The following NRP1 variants were observed in gnomAD, a reference collection of about 807,000 sequenced individuals.
NRP1 encodes the protein neuropilin 1, also known as neuropilin-1.
NRP1 carries 35 observed loss-of-function variants against 106.7 expected under a neutral mutation model. The observed-to-expected ratio is 0.33, with a 90% CI of 0.25 to 0.43. The LOEUF (loss-of-function observed/expected upper bound fraction) is 0.43, where lower values mean the gene tolerates loss of function less well. Ranked by LOEUF, NRP1 falls within the 20% of genes least tolerant of loss-of-function variation. The pLI, the probability that NRP1 is intolerant of heterozygous loss-of-function variation, is 1.00. For missense variants in NRP1, 1,024 were observed against 1,170.4 expected (o/e 0.87, Z 1.83); for synonymous variants, 437 against 417.9 (o/e 1.05, Z -0.56).
At chr10:33,329,268 A>T (rs1314395876) in intron 2 of NRP1, among the ~76,000 whole-genome samples, 1 of 152,232 alleles carries the variant, frequency 6.6e-6, no homozygotes. Context: ...CAAAGCAAAG[A>T]TAAATTGGAA....
intron 4 of NRP1, among the ~76,000 whole-genome samples, chr10:33,261,556 T>C (rs1300738384): frequency 1.3e-5 from 2 of 152,214 alleles, no homozygotes; most frequent in South Asian, 2.1e-4. Flanking sequence ...CCTGTTTATA[T>C]GGTAAAAGAG....
intron 6 of NRP1, among the ~76,000 whole-genome samples, chr10:33,252,994 T>TA (rs1841966044): frequency 7.4e-6 from 1 of 135,770 alleles, no homozygotes; most frequent in Admixed American, 6.9e-5. Flanking sequence ...AATCATCTTG[T>TA]GGTTTTTTTT....
intron 2 of NRP1, among the ~76,000 whole-genome samples, chr10:33,306,559 C>T (rs1259306855): frequency 6.6e-6 from 1 of 152,186 alleles, no homozygotes; most frequent in African/African-American, 2.4e-5. Flanking sequence ...GGTCAGTTTA[C>T]AATTTCCTTG....
chr10:33,285,723 C>T (rs1844478442), intron 2 of NRP1, among the ~76,000 whole-genome samples: 1 of 152,084 alleles, frequency 6.6e-6, no homozygotes, highest in African/African-American at 2.4e-5. Flanking sequence ...AGCTACTCTA[C>T]TCTGGAGGCT....
chr10:33,303,193 A>G (rs538770471), intron 2 of NRP1, among the ~76,000 whole-genome samples: 192 of 152,252 alleles, frequency 1.3e-3, no homozygotes, highest in African/African-American at 4.4e-3. Flanking sequence ...TTCTTTCTAA[A>G]CTGGGTGAGT....
At chr10:33,274,203 A>G (rs1427838864) in intron 2 of NRP1, among the ~76,000 whole-genome samples, 3 of 152,156 alleles carry the variant, frequency 2.0e-5, no homozygotes, top group East Asian at 3.9e-4. Flanking sequence ...GTAATCCGCC[A>G]GGTGGTTGTT....
chr10:33,192,255 T>G (rs764531967), intron 13 of NRP1, 26 bp downstream of exon 13: 1 of 1,600,220 alleles, frequency 6.2e-7, no homozygotes. Context: ...TGCAAAGCCA[T>G]GCAGCCGAAG....
At position 33,282,441 on chromosome 10, in the gene NRP1, C is replaced by T. The variant is rs562360241; in HGVS notation, c.249-11585G>A. Among the ~76,000 whole-genome samples, 592 of 152,252 alleles carry T rather than the reference C, an allele frequency of 3.9e-3. 2 individuals are homozygous for T. The highest frequency in any genetic ancestry group is 6.8e-3 in the Middle Eastern group (2 of 294). On this transcript the variant is annotated intron_variant, in intron 2 of 16. Coordinates refer to ENST00000374867, the MANE Select transcript of NRP1 (RefSeq NM_003873.7). ...AATTTAAAGATATTTTTAAAATCCT[C>T]CTGATTAATTAGTAATTATTCAGTG...
chr10:33,315,768 G>A (rs1205481462), intron 2 of NRP1, among the ~76,000 whole-genome samples: 2 of 152,230 alleles, frequency 1.3e-5, no homozygotes, highest in African/African-American at 4.8e-5. Context: ...ATGGCTTCAT[G>A]AAGGAAGCAT....
chr10:33,265,214 C>G (rs1365595074), intron 3 of NRP1, among the ~76,000 whole-genome samples: 1 of 152,134 alleles, frequency 6.6e-6, no homozygotes, highest in African/African-American at 2.4e-5. Context: ...ATACCACCTG[C>G]TGCTATGATC....
At chr10:33,285,495 CT>C (rs1360839748) in intron 2 of NRP1, among the ~76,000 whole-genome samples, 7 of 152,120 alleles carry the variant, frequency 4.6e-5, no homozygotes. Flanking sequence ...TTAGGATCCA[CT>C]TCTAATTTAA....
In NRP1 at chr10:33,217,018, G is replaced by A. The variant is rs533670726; in HGVS notation, c.1283-3301C>T. Reference sequence around the variant, plus strand: ...CTGGAAACCAAGAATATACTCAGTCGGGATTAAAAAAAGATTTACAAAAAC... The same window carrying A: ...CTGGAAACCAAGAATATACTCAGTCAGGATTAAAAAAAGATTTACAAAAAC... On this transcript the variant is annotated intron_variant, in intron 8 of 16. Coordinates refer to ENST00000374867, the MANE Select transcript of NRP1 (RefSeq NM_003873.7). Among the ~76,000 whole-genome samples, 42 of 151,916 alleles carry A rather than the reference G, an allele frequency of 2.8e-4. 1 individual carries two copies. Among genetic ancestry groups the A allele is most frequent in the Non-Finnish European group, 5.6e-4 (38 of 67,972 alleles).
chr10:33,207,981 A>G (rs1244272435), intron 9 of NRP1, among the ~76,000 whole-genome samples: 1 of 152,094 alleles, frequency 6.6e-6, no homozygotes, highest in Non-Finnish European at 1.5e-5. Context: ...GGTGGAGTGC[A>G]ATGATGTGAT....
intron 3 of NRP1, among the ~76,000 whole-genome samples, chr10:33,270,474 A>G (rs1843227954): frequency 6.6e-6 from 1 of 152,012 alleles, no homozygotes; most frequent in African/African-American, 2.4e-5. Context: ...TTACTGGCAT[A>G]TGCCATCATG....
At chr10:33,206,481 GTGATTGATAGCTCAAGATT>G in intron 10 of NRP1, 1 of 327,756 alleles carries the variant, frequency 3.1e-6, no homozygotes, top group Non-Finnish European at 6.2e-6. Context: ...CAGGGGTATG[GTGATTGATAGCTCAAGATT>G]CTGTCATTCA....
chr10:33,232,836 T>G (rs1269316033), intron 6 of NRP1, among the ~76,000 whole-genome samples: 1 of 151,678 alleles, frequency 6.6e-6, no homozygotes, highest in Non-Finnish European at 1.5e-5. Context: ...TTAGTAGAGA[T>G]GGGGTTTCAC....
rs2132558964 is a variant in NRP1, at chr10:33,179,721, CA to C, written c.*354del. Reference sequence around the variant, plus strand: ...CCACACGGAATACGCTTGGTGCCAGCATCTTGGATTTCGCTCAGTTTCCAAA... The same window carrying C: ...CCACACGGAATACGCTTGGTGCCAGCTCTTGGATTTCGCTCAGTTTCCAAA... On this transcript the variant is annotated 3_prime_UTR_variant, in exon 17 of 17. Transcript: ENST00000374867. 1 of 234,356 alleles carries C rather than the reference CA, an allele frequency of 4.3e-6. No individual in the cohort carries two copies. The highest frequency in any genetic ancestry group is 2.2e-5 in the African/African-American group (1 of 44,570). The allele number at this position is 234,356 out of a possible 1,614,324, so 14.5% of individuals were successfully genotyped here.
chr10:33,187,220 A>G (rs150376721), intron 13 of NRP1, among the ~76,000 whole-genome samples: 18 of 152,312 alleles, frequency 1.2e-4, no homozygotes, highest in Admixed American at 2.0e-4. Context: ...TGCGGCACCC[A>G]TGTGAACACA....
intron 6 of NRP1, among the ~76,000 whole-genome samples, chr10:33,245,930 T>C (rs1321733021): frequency 6.6e-6 from 1 of 152,234 alleles, no homozygotes; most frequent in Non-Finnish European, 1.5e-5. Flanking sequence ...AGCGTAATTC[T>C]ACCTGAACAG....
Sources: allele counts gnomAD v4.1 joint callset (sites outside exome capture counted in the v4.1 genomes callset), GRCh38; gene constraint gnomAD v4.1.1; transcripts MANE v1.5; gene names NCBI Gene and HGNC (gene_info 2026-07-23, HGNC 2026-07-21).